The following AK5 variants were observed in gnomAD, a reference collection of about 807,000 sequenced individuals.
The protein encoded by AK5 is adenylate kinase isoenzyme 5.
Under a neutral mutation model 69.5 loss-of-function variants are expected in AK5, and 27 were observed. The ratio of observed to expected loss-of-function variants is 0.39; its 90% CI spans 0.29 to 0.54. The LOEUF (loss-of-function observed/expected upper bound fraction) is 0.54, where lower values mean the gene tolerates loss of function less well. Among genes scored for constraint, AK5 ranks in the 20% least tolerant of loss-of-function variants. The pLI is 0.71. For synonymous variants in AK5, 260 were observed against 244.4 expected, an observed-to-expected ratio of 1.06 and a Z score of -0.60; for missense variants, 531 against 700.4, an observed-to-expected ratio of 0.76 and a Z score of 2.73.
chr1:77,530,163 G>A (rs1658500974), intron 12 of AK5, among the ~76,000 whole-genome samples: 1 of 152,224 alleles, frequency 6.6e-6, no homozygotes, highest in Admixed American at 6.5e-5. Context: ...TGTTCTAGTT[G>A]TTTAGAATTG....
intron 8 of AK5, among the ~76,000 whole-genome samples, chr1:77,434,084 A>C (rs2100617993): frequency 6.7e-6 from 1 of 150,286 alleles, no homozygotes; most frequent in East Asian, 1.9e-4. Context: ...AATCTGATGA[A>C]ATCAGAAAAA....
intron 6 of AK5, among the ~76,000 whole-genome samples, chr1:77,363,770 T>C (rs1314161619): frequency 6.6e-6 from 1 of 152,172 alleles, no homozygotes; most frequent in African/African-American, 2.4e-5. Flanking sequence ...TTCAAGTCTT[T>C]GTTCAAATGT....
At chr1:77,455,563 C>A (rs904957524) in intron 8 of AK5, among the ~76,000 whole-genome samples, 1 of 152,190 alleles carries the variant, frequency 6.6e-6, no homozygotes, top group African/African-American at 2.4e-5. Context: ...CCTCACCAGA[C>A]ACTGAATCTG....
At chr1:77,458,607 A>C (rs2100671421) in intron 8 of AK5, among the ~76,000 whole-genome samples, 1 of 152,326 alleles carries the variant, frequency 6.6e-6, no homozygotes, top group African/African-American at 2.4e-5. Flanking sequence ...GGATGGCAGC[A>C]GGCAAAGAGA....
At chr1:77,466,383 C>T (rs1043944310) in intron 8 of AK5, among the ~76,000 whole-genome samples, 11 of 152,174 alleles carry the variant, frequency 7.2e-5, no homozygotes, top group African/African-American at 2.2e-4. Context: ...TTACTTATAT[C>T]GTTACCTAAT....
intron 6 of AK5, among the ~76,000 whole-genome samples, chr1:77,396,385 G>A (rs960648786): frequency 2.0e-5 from 3 of 152,214 alleles, no homozygotes; most frequent in South Asian, 4.2e-4. Flanking sequence ...ATTACACAAA[G>A]AGCCCAGTAG....
intron 2 of AK5, among the ~76,000 whole-genome samples, chr1:77,288,827 A>T (rs1356111495): frequency 6.6e-6 from 1 of 152,236 alleles, no homozygotes; most frequent in Non-Finnish European, 1.5e-5. Flanking sequence ...TCTGAGTCTT[A>T]GAGAGCAATT....
intron 2 of AK5, among the ~76,000 whole-genome samples, chr1:77,288,021 C>T (rs548459551): frequency 1.3e-5 from 2 of 152,300 alleles, no homozygotes; most frequent in Admixed American, 6.5e-5. Flanking sequence ...TTCACTTTAA[C>T]ACTAGTTAAT....
chr1:77,486,808 A>G (rs1309820565), intron 10 of AK5, among the ~76,000 whole-genome samples: 1 of 152,094 alleles, frequency 6.6e-6, no homozygotes, highest in African/African-American at 2.4e-5. Context: ...TCTTTCACGT[A>G]TGCAGTTGTA....
intron 6 of AK5, among the ~76,000 whole-genome samples, chr1:77,355,005 C>T (rs944195332): frequency 1.3e-5 from 2 of 152,162 alleles, no homozygotes; most frequent in African/African-American, 4.8e-5. Context: ...ATCACGATCA[C>T]TTGATATATA....
At chr1:77,302,246 T>G (rs914536568) in intron 5 of AK5, among the ~76,000 whole-genome samples, 2 of 152,140 alleles carry the variant, frequency 1.3e-5, no homozygotes, top group Non-Finnish European at 2.9e-5. Context: ...TGGCTAGAAT[T>G]ATGTTTATTT....
At chr1:77,461,234 C>T (rs180957212) in intron 8 of AK5, among the ~76,000 whole-genome samples, 1,882 of 150,396 alleles carry the variant, frequency 0.013, 42 homozygotes, top group African/African-American at 0.042. Flanking sequence ...GGGGTTTCAC[C>T]GTGTTAGCCA....
At position 77,306,501 on chromosome 1, in the gene AK5, T is replaced by G. The variant is rs1017894423; in HGVS notation, c.699+8554T>G. ...TTTGCTAGGTTTTTTTTTGTTTTTT[T>G]TTTTTTTTTTGAGGATTTTTGCATC... On this transcript the variant is annotated intron_variant, in intron 5 of 13. Coordinates refer to ENST00000354567, the MANE Select transcript of AK5 (RefSeq NM_174858.3). Among the ~76,000 whole-genome samples the G allele has an allele frequency of 4.3e-4, 65 of 150,626 alleles. 1 individual carries two copies. The highest frequency in any genetic ancestry group is 2.4e-3 in the Admixed American group (37 of 15,124).
Position 77,312,611 on chromosome 1 carries a change from TAA to T in AK5, c.699+14681_699+14682del, listed in dbSNP as rs5775383. Among the ~76,000 whole-genome samples the T allele has an allele frequency of 3.6e-3, 442 of 123,190 alleles. 3 individuals carry two copies. Among genetic ancestry groups the T allele is most frequent in the East Asian group, 9.8e-3 (41 of 4,204 alleles). The allele number at this position is 123,190 out of a possible 152,430, so 80.8% of individuals were successfully genotyped here. On this transcript the variant is annotated intron_variant, in intron 5 of 13. Coordinates refer to ENST00000354567, the MANE Select transcript of AK5 (RefSeq NM_174858.3). ...GCCTGGGTGACAGAGCGAGTCTGTCTAAAAAAAAAAAAAAAAAACAAAAAGTC... is the reference window on the plus strand; with the variant it reads ...GCCTGGGTGACAGAGCGAGTCTGTCTAAAAAAAAAAAAAAAACAAAAAGTC...
intron 6 of AK5, chr1:77,345,921 A>G (rs1192168182): frequency 3.9e-5 from 6 of 152,216 alleles, no homozygotes; most frequent in African/African-American, 1.2e-4. Context: ...CTAATAGCCT[A>G]CTGTCAACCA....
intron 13 of AK5, among the ~76,000 whole-genome samples, chr1:77,541,415 A>G (rs1429139110): frequency 6.6e-6 from 1 of 152,200 alleles, no homozygotes; most frequent in Non-Finnish European, 1.5e-5. Context: ...CCTGTTTCCA[A>G]AAAAAGAAAA....
chr1:77,542,368 A>G (rs1362568563), intron 13 of AK5, among the ~76,000 whole-genome samples: 2 of 152,168 alleles, frequency 1.3e-5, no homozygotes, highest in Non-Finnish European at 2.9e-5. Flanking sequence ...AGCAACCACT[A>G]ACAAGTTCTG....
At chr1:77,407,730 G>A (rs536180042) in intron 6 of AK5, among the ~76,000 whole-genome samples, 2 of 152,100 alleles carry the variant, frequency 1.3e-5, no homozygotes, top group African/African-American at 4.8e-5. Flanking sequence ...GCCATCACCC[G>A]GGTAGTGAAC....
chr1:77,501,764 G>A (rs1311680071), intron 10 of AK5, among the ~76,000 whole-genome samples: 1 of 152,170 alleles, frequency 6.6e-6, no homozygotes, highest in Non-Finnish European at 1.5e-5. Context: ...TTAAAGTAGG[G>A]CTCAGGTCAA....
Sources: gnomAD v4.1 joint callset for allele counts (sites outside exome capture counted in the v4.1 genomes callset) on GRCh38, gnomAD v4.1.1 for gene constraint, MANE v1.5 for transcripts, NCBI Gene and HGNC (gene_info 2026-07-23, HGNC 2026-07-21) for gene names.